The following SLC2A13 variants were observed in gnomAD, a reference collection of about 807,000 sequenced individuals.
SLC2A13 encodes proton myo-inositol cotransporter.
A neutral mutation model predicts 64.4 loss-of-function variants in SLC2A13; 32 were observed. That is an observed-to-expected ratio of 0.50 (90% CI 0.37 to 0.67). SLC2A13 has a LOEUF of 0.67. SLC2A13 is among the 30% of genes least tolerant of loss of function. The probability of loss-of-function intolerance (pLI) is 0.00; values close to 1 mark genes in which losing one functional copy is unlikely to be tolerated. For missense variants in SLC2A13, 743 were observed against 829.2 expected (o/e 0.90, Z 1.28); for synonymous variants, 338 against 327.1 (o/e 1.03, Z -0.36).
intron 9 of SLC2A13, 81 bp from the exon 10 acceptor site, chr12:39,760,333 T>C: frequency 7.5e-7 from 1 of 1,337,154 alleles, no homozygotes; most frequent in South Asian, 1.4e-5. Context: ...ATTTTGACTT[T>C]TTTTTTCTGG....
At chr12:39,833,103 C>T (rs749212250) in intron 6 of SLC2A13, among the ~76,000 whole-genome samples, 1 of 152,084 alleles carries the variant, frequency 6.6e-6, no homozygotes, top group East Asian at 1.9e-4. Context: ...CAGCAAACTA[C>T]AACTGTTGAG....
At chr12:39,817,831 G>A (rs988322818) in intron 7 of SLC2A13, among the ~76,000 whole-genome samples, 10 of 152,008 alleles carry the variant, frequency 6.6e-5, no homozygotes, top group East Asian at 1.9e-4. Context: ...CTTCAAAGAC[G>A]GTTCCTTGAC....
intron 7 of SLC2A13, among the ~76,000 whole-genome samples, chr12:39,781,557 A>G (rs1478774486): frequency 6.6e-6 from 1 of 152,252 alleles, no homozygotes; most frequent in Admixed American, 6.5e-5. Flanking sequence ...ATTGTCTCAC[A>G]GTTTTGAAGT....
intron 5 of SLC2A13, among the ~76,000 whole-genome samples, chr12:39,871,499 TTA>T (rs1287347161): frequency 3.1e-4 from 46 of 149,420 alleles, no homozygotes; most frequent in East Asian, 1.9e-4. Context: ...AAAAAAACAA[TTA>T]TTTTTTTTCA....
chr12:40,089,824 T>A (rs1474271570), intron 1 of SLC2A13, among the ~76,000 whole-genome samples: 1 of 152,212 alleles, frequency 6.6e-6, no homozygotes, highest in Non-Finnish European at 1.5e-5. Flanking sequence ...ATCTTAAAGT[T>A]ATTTTTAATA....
intron 4 of SLC2A13, among the ~76,000 whole-genome samples, chr12:39,940,706 A>G (rs1172526687): frequency 6.6e-6 from 1 of 152,020 alleles, no homozygotes; most frequent in Admixed American, 6.6e-5. Flanking sequence ...ATAAACTTAT[A>G]ATATTTTATT....
chr12:40,089,182 C>T (rs1037774527), intron 1 of SLC2A13, among the ~76,000 whole-genome samples: 16 of 152,172 alleles, frequency 1.1e-4, no homozygotes, highest in African/African-American at 3.9e-4. Flanking sequence ...TCAGAGTGGT[C>T]ATCTCCGTAC....
intron 7 of SLC2A13, among the ~76,000 whole-genome samples, chr12:39,782,924 G>A (rs779215158): frequency 9.9e-5 from 15 of 152,042 alleles, no homozygotes; most frequent in Non-Finnish European, 2.1e-4. Context: ...ACAATGTGCA[G>A]GTTTGTTATG....
intron 7 of SLC2A13, among the ~76,000 whole-genome samples, chr12:39,814,437 T>C (rs1942281913): frequency 6.6e-6 from 1 of 152,198 alleles, no homozygotes; most frequent in Non-Finnish European, 1.5e-5. Flanking sequence ...CTGATCTTTA[T>C]TGTATCAAGT....
intron 2 of SLC2A13, among the ~76,000 whole-genome samples, chr12:40,040,089 G>A (rs1948059681): frequency 6.6e-6 from 1 of 152,194 alleles, no homozygotes; most frequent in Non-Finnish European, 1.5e-5. Context: ...AACTGAAGGT[G>A]AGAGCAATTT....
intron 7 of SLC2A13, among the ~76,000 whole-genome samples, chr12:39,815,065 A>G (rs1439732213): frequency 6.6e-6 from 1 of 151,790 alleles, no homozygotes; most frequent in Non-Finnish European, 1.5e-5. Context: ...AAGATCAGCA[A>G]ACTAAGGATT....
In SLC2A13 at chr12:40,020,595, G is replaced by A. The variant is rs1947697837; in HGVS notation, c.925+7706C>T. ...TAATACACATGGCCATTGATATTCT[G>A]ATTCTACAGACTATCCATGGAATTG... On this transcript the variant is annotated intron_variant, in intron 3 of 9. Coordinates refer to ENST00000280871, the MANE Select transcript of SLC2A13 (RefSeq NM_052885.4). Among the ~76,000 whole-genome samples the A allele has an allele frequency of 2.6e-5, 4 of 152,100 alleles. 1 individual carries two copies. The South Asian group carries it at 8.3e-4, about 32-fold the overall frequency.
intron 2 of SLC2A13, among the ~76,000 whole-genome samples, chr12:40,042,109 A>G (rs528727275): frequency 6.6e-6 from 1 of 152,338 alleles, no homozygotes; most frequent in Non-Finnish European, 1.5e-5. Context: ...CCCAGGACTA[A>G]TATTTTGTAT....
intron 1 of SLC2A13, among the ~76,000 whole-genome samples, chr12:40,058,418 GAGA>G (rs1948367705): frequency 6.6e-6 from 1 of 152,056 alleles, no homozygotes; most frequent in African/African-American, 2.4e-5. Context: ...ACAGAGCAAT[GAGA>G]AGAATTAGAA....
chr12:40,054,154 T>C (rs1053959436), intron 1 of SLC2A13, among the ~76,000 whole-genome samples: 1 of 152,166 alleles, frequency 6.6e-6, no homozygotes, highest in Non-Finnish European at 1.5e-5. Context: ...AAAACCTGTT[T>C]TAAAGAAAGA....
intron 4 of SLC2A13, among the ~76,000 whole-genome samples, chr12:39,872,286 C>A (rs1413743134): frequency 6.6e-6 from 1 of 152,102 alleles, no homozygotes; most frequent in Non-Finnish European, 1.5e-5. Flanking sequence ...CTTTAATTGG[C>A]CACATAATAA....
chr12:39,853,102 A>C (rs1288615004), intron 6 of SLC2A13, among the ~76,000 whole-genome samples: 1 of 152,072 alleles, frequency 6.6e-6, no homozygotes, highest in Non-Finnish European at 1.5e-5. Context: ...CTTTGCTCAA[A>C]ACGCCAAGAA....
intron 1 of SLC2A13, among the ~76,000 whole-genome samples, chr12:40,076,893 C>T (rs1307361586): frequency 3.3e-5 from 5 of 152,018 alleles, no homozygotes; most frequent in African/African-American, 1.2e-4. Flanking sequence ...TGGTTTTGAT[C>T]TGCATTTCTT....
At chr12:40,094,240 G>T (rs182662889) in intron 1 of SLC2A13, among the ~76,000 whole-genome samples, 1 of 152,274 alleles carries the variant, frequency 6.6e-6, no homozygotes, top group African/African-American at 2.4e-5. Flanking sequence ...AGGGAAGTCG[G>T]GTGCAAGCAT....
Sources: gnomAD v4.1 joint callset for allele counts (sites outside exome capture counted in the v4.1 genomes callset) on GRCh38, gnomAD v4.1.1 for gene constraint, MANE v1.5 for transcripts, NCBI Gene and HGNC (gene_info 2026-07-23, HGNC 2026-07-21) for gene names.